The following SYT17 variants were observed in gnomAD, a reference collection of about 807,000 sequenced individuals.
The protein encoded by SYT17 is synaptotagmin 17.
SYT17 carries 22 observed loss-of-function variants against 46.7 expected under a neutral mutation model. That is an observed-to-expected ratio of 0.47 (90% CI 0.34 to 0.67). The LOEUF (loss-of-function observed/expected upper bound fraction) is 0.67, where lower values mean the gene tolerates loss of function less well. SYT17 is among the 30% of genes least tolerant of loss of function. SYT17 has a pLI of 0.01. For synonymous variants in SYT17, 251 were observed against 248.4 expected (o/e 1.01, Z -0.10); for missense variants, 519 against 612.8 (o/e 0.85, Z 1.62).
intron 5 of SYT17, among the ~76,000 whole-genome samples, chr16:19,220,840 C>T (rs1966289324): frequency 6.6e-6 from 1 of 152,024 alleles, no homozygotes; most frequent in Admixed American, 6.6e-5. Flanking sequence ...ATCAACCTAG[C>T]AGGATTTTTG....
rs139462458 is a variant in SYT17 at position 19,184,293 on chromosome 16, A to T, written c.951+146A>T. 1.5e-3 allele frequency: 1,592 copies of T among 1,089,864 alleles called. 16 individuals are homozygous for T. The African/African-American group carries it at 0.023, about 16-fold the overall frequency. The allele number at this position is 1,089,864 out of a possible 1,614,324, so 67.5% of individuals were successfully genotyped here. A position where few individuals can be genotyped will look rare whatever the true frequency, so the allele number is the denominator to read the frequency against. ...TTTTGACTCACAAGAGGTTGCAAAA[A>T]TAGCAGAGAGTTCCTGTGTCCTCTT... On this transcript the variant is annotated intron_variant, in intron 5 of 7. Transcript: ENST00000355377.
intron 5 of SYT17, among the ~76,000 whole-genome samples, chr16:19,221,294 G>A (rs1197584540): frequency 6.6e-6 from 1 of 152,042 alleles, no homozygotes; most frequent in Admixed American, 6.6e-5. Context: ...TGCACTGATG[G>A]GCCTAGGAGG....
intron 4 of SYT17, among the ~76,000 whole-genome samples, chr16:19,181,100 T>TG (rs1433700637): frequency 1.3e-5 from 2 of 152,184 alleles, no homozygotes; most frequent in Non-Finnish European, 2.9e-5. Flanking sequence ...TGTATGGGAT[T>TG]GGGGGCTCCG....
At chr16:19,173,083 T>C (rs569390611) in intron 2 of SYT17, 111 of 564,162 alleles carry the variant, frequency 2.0e-4, no homozygotes, top group Middle Eastern at 1.9e-3. Flanking sequence ...GTAATATTCA[T>C]TGTGTTTCGA....
At chr16:19,201,569 C>T (rs1340795449) in intron 5 of SYT17, among the ~76,000 whole-genome samples, 1 of 151,296 alleles carries the variant, frequency 6.6e-6, no homozygotes, top group East Asian at 1.9e-4. Context: ...TGTGGCCCCC[C>T]AAAACCAAAG....
chr16:19,191,593 G>A (rs559739549), intron 5 of SYT17, among the ~76,000 whole-genome samples: 148 of 152,274 alleles, frequency 9.7e-4, no homozygotes, highest in Admixed American at 4.1e-3. Context: ...AAGACAGTGA[G>A]GAAGTGTACC....
chr16:19,267,102 T>C lies in SYT17; in HGVS notation c.*26T>C, dbSNP rs1969419056. Reference sequence around the variant, plus strand: ...GGGCTGCAGGGAAGGCAGCTTTCATTTGTTTAAAAAAAAAAAAAAAAGACG... The same window carrying C: ...GGGCTGCAGGGAAGGCAGCTTTCATCTGTTTAAAAAAAAAAAAAAAAGACG... On this transcript the variant is annotated 3_prime_UTR_variant, in exon 8 of 8. Coordinates refer to ENST00000355377, the MANE Select transcript of SYT17 (RefSeq NM_016524.4). 1.4e-6 allele frequency: 2 copies of C among 1,445,568 alleles called. No individual in the cohort carries two copies. Among genetic ancestry groups the C allele is most frequent in the African/African-American group, 2.0e-5 (1 of 49,236 alleles). The allele number at this position is 1,445,568 out of a possible 1,614,324, so 89.5% of individuals were successfully genotyped here. A position where few individuals can be genotyped will look rare whatever the true frequency, so the allele number is the denominator to read the frequency against.
intron 5 of SYT17, among the ~76,000 whole-genome samples, chr16:19,222,675 T>G (rs1000371824): frequency 3.9e-5 from 6 of 152,226 alleles, no homozygotes; most frequent in South Asian, 2.1e-4. Context: ...ACATGTTATT[T>G]AACCCTGTGA....
At chr16:19,249,546 A>G (rs1407987271) in intron 7 of SYT17, among the ~76,000 whole-genome samples, 1 of 152,230 alleles carries the variant, frequency 6.6e-6, no homozygotes, top group Non-Finnish European at 1.5e-5. Flanking sequence ...TAAGACTTTA[A>G]TAAGACTGCG....
intron 3 of SYT17, chr16:19,180,096 G>A: frequency 3.3e-6 from 1 of 305,806 alleles, no homozygotes; most frequent in Non-Finnish European, 6.2e-6. Flanking sequence ...GCGCCCCCAC[G>A]TGGCGACAGC....
chr16:19,251,715 G>A (rs147395660), intron 7 of SYT17, among the ~76,000 whole-genome samples: 3 of 152,194 alleles, frequency 2.0e-5, no homozygotes, highest in East Asian at 3.9e-4. Flanking sequence ...CAGATGTTTC[G>A]CCTAAGCTCC....
intron 6 of SYT17, among the ~76,000 whole-genome samples, chr16:19,223,879 AC>A (rs1372143407): frequency 6.6e-6 from 1 of 152,230 alleles, no homozygotes. Flanking sequence ...TTTCAGACTC[AC>A]CACGATGGGA....
intron 5 of SYT17, among the ~76,000 whole-genome samples, chr16:19,197,138 C>T (rs1181298515): frequency 6.6e-6 from 1 of 152,238 alleles, no homozygotes; most frequent in Admixed American, 6.5e-5. Flanking sequence ...CCTTGACCCT[C>T]TCCGTAGAGT....
At chr16:19,262,131 T>G (rs1181383029) in intron 7 of SYT17, among the ~76,000 whole-genome samples, 1 of 152,150 alleles carries the variant, frequency 6.6e-6, no homozygotes, top group African/African-American at 2.4e-5. Flanking sequence ...TGGTTACAGT[T>G]TATTACAGAA....
chr16:19,224,936 C>T (rs185957380), intron 7 of SYT17, 98 bp downstream of exon 7: 53 of 1,404,326 alleles, frequency 3.8e-5, no homozygotes, highest in East Asian at 3.0e-4. Flanking sequence ...CATTTAAGAA[C>T]GTAATGTCTG....
At chr16:19,233,269 C>G (rs954981717) in intron 7 of SYT17, among the ~76,000 whole-genome samples, 1 of 151,966 alleles carries the variant, frequency 6.6e-6, no homozygotes, top group African/African-American at 2.4e-5. Context: ...GAAGGCACGG[C>G]GGGGAATGGG....
chr16:19,228,043 T>C (rs1429902769), intron 7 of SYT17, among the ~76,000 whole-genome samples: 1 of 122,566 alleles, frequency 8.2e-6, no homozygotes, highest in East Asian at 2.0e-4. Flanking sequence ...GCTGAGGTTA[T>C]TTATTCTGGG....
intron 7 of SYT17, among the ~76,000 whole-genome samples, chr16:19,232,566 C>T (rs979529996): frequency 6.6e-6 from 1 of 152,094 alleles, no homozygotes; most frequent in African/African-American, 2.4e-5. Context: ...TGCGGTGGCT[C>T]ACACCTCTAA....
At chr16:19,249,827 GGA>G (rs1967902808) in intron 7 of SYT17, 3 of 1,081,566 alleles carry the variant, frequency 2.8e-6, no homozygotes, top group African/African-American at 3.2e-5. Flanking sequence ...GTCTGTTATT[GGA>G]GTCATTGGGA....
Sources: gnomAD v4.1 joint callset for allele counts (sites outside exome capture counted in the v4.1 genomes callset) on GRCh38, gnomAD v4.1.1 for gene constraint, MANE v1.5 for transcripts, NCBI Gene and HGNC (gene_info 2026-07-23, HGNC 2026-07-21) for gene names.